The following FRY variants were observed in gnomAD, a reference collection of about 807,000 sequenced individuals.
FRY encodes the protein protein furry homolog.
Under a neutral mutation model 348.4 loss-of-function variants are expected in FRY, and 128 were observed. That is an observed-to-expected ratio of 0.37 (90% CI 0.32 to 0.43). FRY has a LOEUF of 0.43. Ranked by LOEUF, FRY falls within the 20% of genes least tolerant of loss-of-function variation. FRY has a pLI of 1.00. For missense variants in FRY, 2,736 were observed against 3,695.2 expected (o/e 0.74, Z 6.73); for synonymous variants, 1,370 against 1,374.7 (o/e 1.00, Z 0.08).
intron 33 of FRY, 44 bp from the exon 34 acceptor site, chr13:32,210,822 C>G: frequency 6.5e-7 from 1 of 1,548,224 alleles, no homozygotes; most frequent in South Asian, 1.1e-5. Flanking sequence ...TTCCTGTGGA[C>G]TAGGCTCTGT....
chr13:32,172,096 T>C (rs896720222), intron 18 of FRY, among the ~76,000 whole-genome samples: 3 of 150,350 alleles, frequency 2.0e-5, no homozygotes, highest in Non-Finnish European at 3.0e-5. Flanking sequence ...AGGATATGGA[T>C]GTGGATATAA....
rs1366690790 is a variant in FRY, at chr13:32,175,481, A to C, written c.2335-65A>C. ...CTGTTCTGCTTCATGTATCAGACGA[A>C]GGCGGTGGGGTGGGTGGGGAGGATT... On this transcript the variant is annotated intron_variant, in intron 19 of 60. Transcript: ENST00000542859. The C allele has an allele frequency of 4.2e-6, 4 of 948,472 alleles. No homozygotes were observed. In the African/African-American group the frequency reaches 6.4e-5, roughly 15 times the overall value. 58.8% of individuals were successfully genotyped at this position (948,472 alleles called of 1,614,324 possible). A position where few individuals can be genotyped will look rare whatever the true frequency, so the allele number is the denominator to read the frequency against.
chr13:32,194,120 A>G, intron 28 of FRY, 23 bp from the exon 29 acceptor site: 1 of 1,605,424 alleles, frequency 6.2e-7, no homozygotes. Context: ...TGGGAATAAT[A>G]TTGATTTGCT....
At chr13:32,138,714 A>G (rs1432675988) in intron 11 of FRY, among the ~76,000 whole-genome samples, 1 of 152,194 alleles carries the variant, frequency 6.6e-6, no homozygotes, top group Non-Finnish European at 1.5e-5. Context: ...TTCAGCAGGG[A>G]CTTATGTAGT....
chr13:32,131,650 A>G, intron 7 of FRY, 22 bp from the exon 8 acceptor site: 1 of 1,599,864 alleles, frequency 6.3e-7, no homozygotes, highest in Non-Finnish European at 8.6e-7. Context: ...TATTTGATAA[A>G]CCACTTATGT....
At chr13:32,265,375 G>A in intron 53 of FRY, 75 bp from the exon 54 acceptor site, 1 of 1,383,462 alleles carries the variant, frequency 7.2e-7, no homozygotes, top group South Asian at 1.2e-5. Flanking sequence ...TCTCTTATTT[G>A]TTCCTTAGTT....
At chr13:32,287,146 C>A (rs1421575065) in intron 58 of FRY, among the ~76,000 whole-genome samples, 2 of 147,636 alleles carry the variant, frequency 1.4e-5, no homozygotes, top group African/African-American at 5.0e-5. Flanking sequence ...GCCTGGGCGA[C>A]AGAGTGAGAC....
chr13:32,261,373 C>A, intron 51 of FRY: 1 of 662,172 alleles, frequency 1.5e-6, no homozygotes, highest in Non-Finnish European at 2.7e-6. Flanking sequence ...GTAATTATTA[C>A]CCACCATGCC....
intron 37 of FRY, 118 bp downstream of exon 37, chr13:32,224,503 A>G: frequency 3.3e-6 from 3 of 898,532 alleles, no homozygotes; most frequent in Non-Finnish European, 5.1e-6. Context: ...AATCAGTGGG[A>G]TCCTGCCTGA....
At chr13:32,265,790 T>C (rs878893510) in intron 54 of FRY, among the ~76,000 whole-genome samples, 174 bp downstream of exon 54, 1 of 152,194 alleles carries the variant, frequency 6.6e-6, no homozygotes, top group African/African-American at 2.4e-5. Flanking sequence ...AATCCCATTA[T>C]AGGGCCTCGT....
intron 59 of FRY, among the ~76,000 whole-genome samples, chr13:32,294,056 A>G (rs1889509748): frequency 6.6e-6 from 1 of 152,194 alleles, no homozygotes; most frequent in East Asian, 1.9e-4. Context: ...CTCACTCTTG[A>G]GCCTGATCTC....
intron 20 of FRY, 53 bp from the exon 21 acceptor site, chr13:32,178,124 G>C: frequency 6.3e-7 from 1 of 1,597,040 alleles, no homozygotes; most frequent in Non-Finnish European, 8.6e-7. Context: ...CCTTGATGAG[G>C]ATGGATAACT....
At chr13:32,280,409 C>T (rs1888752723) in intron 58 of FRY, among the ~76,000 whole-genome samples, 1 of 152,144 alleles carries the variant, frequency 6.6e-6, no homozygotes, top group Non-Finnish European at 1.5e-5. Context: ...CACTGAATAA[C>T]CTGTGCCGTT....
At chr13:32,238,465 G>GT in intron 44 of FRY, among the ~76,000 whole-genome samples, 1 of 144,980 alleles carries the variant, frequency 6.9e-6, no homozygotes, top group African/African-American at 2.6e-5. Flanking sequence ...TTTTGTTTTT[G>GT]TTTTTTGAGA....
At chr13:32,075,920 A>G (rs1415411592) in intron 1 of FRY, among the ~76,000 whole-genome samples, 1 of 152,184 alleles carries the variant, frequency 6.6e-6, no homozygotes, top group African/African-American at 2.4e-5. Context: ...CTGGGCTAGG[A>G]TAGTTCCAGC....
chr13:32,039,019 G>T (rs966225244), intron 1 of FRY, among the ~76,000 whole-genome samples: 3 of 152,120 alleles, frequency 2.0e-5, no homozygotes, highest in African/African-American at 7.2e-5. Flanking sequence ...GGACTTCAGG[G>T]ATCCTAGGGA....
At chr13:32,259,389 C>A (rs1218856799) in intron 51 of FRY, among the ~76,000 whole-genome samples, 1 of 152,216 alleles carries the variant, frequency 6.6e-6, no homozygotes, top group Non-Finnish European at 1.5e-5. Flanking sequence ...AAACCTTATT[C>A]CTCCAAGAAC....
intron 1 of FRY, among the ~76,000 whole-genome samples, chr13:32,065,110 A>G (rs1361409259): frequency 6.6e-6 from 1 of 152,190 alleles, no homozygotes; most frequent in African/African-American, 2.4e-5. Flanking sequence ...GCATTCCTTT[A>G]TTATTGCCAT....
At chr13:32,260,210 A>T (rs939243466) in intron 51 of FRY, among the ~76,000 whole-genome samples, 2 of 152,230 alleles carry the variant, frequency 1.3e-5, no homozygotes, top group Non-Finnish European at 2.9e-5. Context: ...ACAGTAACTC[A>T]CATCTCTCAT....
Sources: gnomAD v4.1 joint callset for allele counts (sites outside exome capture counted in the v4.1 genomes callset) on GRCh38, gnomAD v4.1.1 for gene constraint, MANE v1.5 for transcripts, NCBI Gene and HGNC (gene_info 2026-07-23, HGNC 2026-07-21) for gene names.